The following VILL variants were observed in gnomAD, a reference collection of about 807,000 sequenced individuals.
VILL encodes the protein villin-like protein.
A neutral mutation model predicts 106.3 loss-of-function variants in VILL; 102 were observed. The ratio of observed to expected loss-of-function variants is 0.96; its 90% CI spans 0.82 to 1.13. VILL has a LOEUF of 1.13. VILL is among the 50% of genes most tolerant of loss of function. VILL has a pLI of 0.00. For synonymous variants in VILL, 431 were observed against 440.3 expected (o/e 0.98, Z 0.27); for missense variants, 1,076 against 1,116.6 (o/e 0.96, Z 0.52).
intron 15 of VILL, chr3:38,004,048 G>C (rs1009158221): frequency 3.6e-6 from 2 of 560,458 alleles, no homozygotes; most frequent in Non-Finnish European, 6.0e-6. Flanking sequence ...TCACAGCTGG[G>C]TGGGGCGAGA....
At position 37,997,276 on chromosome 3, in the gene VILL, G is replaced by A. The variant is rs1699720364; in HGVS notation, c.561+89G>A. ...CCATCCTCCGGCCACCCAAAGAGTTGGGCTTGGCTCTGCTACAACCCAAGA... is the reference window on the plus strand; with the variant it reads ...CCATCCTCCGGCCACCCAAAGAGTTAGGCTTGGCTCTGCTACAACCCAAGA... On this transcript the variant is annotated intron_variant, in intron 6 of 19. Coordinates refer to ENST00000383759, the MANE Select transcript of VILL (RefSeq NM_015873.4). This position sits in a 1 kb window ranked among gnomAD's most constrained non-coding sequence, Gnocchi z 4.7. 1.4e-6 allele frequency: 2 copies of A among 1,415,514 alleles called. No homozygotes were observed. Among genetic ancestry groups the A allele is most frequent in the Admixed American group, 3.6e-5 (2 of 55,592 alleles). 87.7% of individuals were successfully genotyped at this position (1,415,514 alleles called of 1,614,324 possible).
intron 3 of VILL, 138 bp downstream of exon 3, chr3:37,994,110 C>A: frequency 2.1e-6 from 3 of 1,416,772 alleles, no homozygotes; most frequent in Middle Eastern, 1.8e-4. Context: ...GGGCGGTTAC[C>A]GTTGAGGCTT....
At chr3:38,000,846 G>A (rs1303474863) in intron 11 of VILL, 3 of 456,544 alleles carry the variant, frequency 6.6e-6, no homozygotes, top group Non-Finnish European at 1.3e-5. Flanking sequence ...CAGAGGTGAG[G>A]TAAGGGAGGC....
At chr3:38,001,978 T>C (rs1172970452) in intron 13 of VILL, 118 bp downstream of exon 13, 1 of 1,500,848 alleles carries the variant, frequency 6.7e-7, no homozygotes, top group Non-Finnish European at 9.0e-7. Context: ...CATCCCCTAG[T>C]TTCCCAGAGC....
At chr3:38,000,687 G>A (rs1332471275) in intron 11 of VILL, among the ~76,000 whole-genome samples, 1 of 152,206 alleles carries the variant, frequency 6.6e-6, no homozygotes, top group Non-Finnish European at 1.5e-5. Flanking sequence ...TGGCTGCCCG[G>A]TAATTGCCAC....
In VILL at chr3:38,004,039, C is replaced by T. The variant is rs556683310; in HGVS notation, c.1806-216C>T. On this transcript the variant is annotated intron_variant, in intron 15 of 19. Transcript: ENST00000383759. ...GGGAAATTCATGGGGCACCTTGCGT[C>T]ACAGCTGGGTGGGGCGAGAGCTTTC... 28 of 525,118 alleles carry T rather than the reference C, an allele frequency of 5.3e-5. 1 individual carries two copies. Among genetic ancestry groups the T allele is most frequent in the African/African-American group, 4.0e-4 (21 of 53,058 alleles). The allele number at this position is 525,118 out of a possible 1,614,324, so 32.5% of individuals were successfully genotyped here. A position where few individuals can be genotyped will look rare whatever the true frequency, so the allele number is the denominator to read the frequency against.
intron 14 of VILL, 170 bp from the exon 15 acceptor site, chr3:38,002,998 C>A: frequency 1.2e-6 from 1 of 847,728 alleles, no homozygotes; most frequent in Non-Finnish European, 1.8e-6. Flanking sequence ...CAACTGGGGA[C>A]ACAGGCCTGT....
At chr3:37,991,854 A>G (rs1699615379) in intron 1 of VILL, among the ~76,000 whole-genome samples, 2 of 151,992 alleles carry the variant, frequency 1.3e-5, no homozygotes, top group South Asian at 4.1e-4. Context: ...TGGAGGTGGC[A>G]CTGTGGGGAG....
chr3:38,005,069 G>T (rs974934061), intron 16 of VILL, among the ~76,000 whole-genome samples: 1 of 152,120 alleles, frequency 6.6e-6, no homozygotes, highest in African/African-American at 2.4e-5. Context: ...GCTATGGTTT[G>T]CTGTCTGGCT....
intron 4 of VILL, among the ~76,000 whole-genome samples, chr3:37,995,036 A>G (rs1439667513): frequency 2.0e-5 from 3 of 152,226 alleles, no homozygotes; most frequent in Admixed American, 1.3e-4. Flanking sequence ...GGCTGCTATG[A>G]ATCTGTTTTT....
In VILL at chr3:37,995,851, A is replaced by G. The variant is rs376863563; in HGVS notation, c.450+4A>G. On this transcript the variant is annotated splice_donor_region_variant and intron_variant, in intron 5 of 19. Transcript: ENST00000383759. Reference sequence around the variant, plus strand: ...GAAGCACGTGTCTGCCACTGAGGTGAGGCTGCCAGGGGAGCCTCTTGACCT... The same window carrying G: ...GAAGCACGTGTCTGCCACTGAGGTGGGGCTGCCAGGGGAGCCTCTTGACCT... The G allele has an allele frequency of 2.5e-6, 4 of 1,612,488 alleles. No individual in the cohort carries two copies. The African/African-American group carries it at 5.3e-5, about 22-fold the overall frequency.
Position 37,995,619 on chromosome 3 carries a change from G to C in VILL, c.342-120G>C, listed in dbSNP as rs1443810779. On this transcript the variant is annotated intron_variant, in intron 4 of 19. Transcript: ENST00000383759. ...CATACATGTGTTCACACAGACTCCA[G>C]TGCATGTATGAAGCAGGCACATACG... is the stretch of plus-strand genomic sequence containing the variant. The C allele has an allele frequency of 5.3e-6, 4 of 755,726 alleles. No individual in the cohort carries two copies. In the African/African-American group the frequency reaches 6.8e-5, roughly 13 times the overall value. The allele number at this position is 755,726 out of a possible 1,614,324, so 46.8% of individuals were successfully genotyped here.
In VILL at chr3:38,006,237, C is replaced by T; in HGVS notation, c.2190C>T (p.Ile730=). 1 of 1,614,236 alleles carries T rather than the reference C, an allele frequency of 6.2e-7. No homozygotes were observed. Among genetic ancestry groups the T allele is most frequent in the East Asian group, 2.2e-5 (1 of 44,884 alleles). The part of the protein sequence containing the change: ...VDGSPAAAST[I]SEITAEVNNL... ...GCAGCCCGGCAGCAGCATCAACCATCTCTGAGATAACAGCAGTGAGTCCTG... is the reference window on the plus strand; with the variant it reads ...GCAGCCCGGCAGCAGCATCAACCATTTCTGAGATAACAGCAGTGAGTCCTG... Residue 730 remains isoleucine, a synonymous_variant, in exon 18 of 20, where the codon ATC becomes ATT. Transcript: ENST00000383759.
intron 18 of VILL, 42 bp downstream of exon 18, chr3:38,006,294 C>T: frequency 2.5e-6 from 4 of 1,613,688 alleles, no homozygotes; most frequent in Middle Eastern, 1.7e-4. Flanking sequence ...GTGGCCTGGG[C>T]TCCGACAGCA....
In VILL at chr3:37,994,395, G is replaced by C; in HGVS notation, c.270G>C (p.Gln90His). The C allele has an allele frequency of 6.2e-7, 1 of 1,612,668 alleles. No individual in the cohort carries two copies. Among genetic ancestry groups the C allele is most frequent in the East Asian group, 2.2e-5 (1 of 44,860 alleles). ...GCCTACAGGACGAGCTGGGGGGCCA[G>C]ACCGTGCTGCACCGCGAGGCGCAGG... ...QQRLQDELGG[Q>H]TVLHREAQGH... Residue 90 changes from glutamine to histidine, a missense_variant, in exon 4 of 20, where the codon CAG becomes CAC. Gln to His is a conservative substitution (Grantham distance 24, BLOSUM62 0). Transcript: ENST00000383759.
Position 37,998,894 on chromosome 3 carries a change from C to A in VILL, c.943-18C>A, listed in dbSNP as rs774874979. 1 of 1,583,726 alleles carries A rather than the reference C, an allele frequency of 6.3e-7. No homozygotes were observed. Among genetic ancestry groups the A allele is most frequent in the Non-Finnish European group, 8.6e-7 (1 of 1,158,178 alleles). ...TGGACTCTCAGGGTCGCAGGACTGA[C>A]GATGCCTTCCGCCCCAGGGCTTCAT... On this transcript the variant is annotated intron_variant, in intron 9 of 19. Coordinates refer to ENST00000383759, the MANE Select transcript of VILL (RefSeq NM_015873.4). This position sits in a 1 kb window ranked among gnomAD's most constrained non-coding sequence, Gnocchi z 4.1.
Position 37,997,186 on chromosome 3 carries a change from G to T in VILL, c.560G>T (p.Arg187Leu). 6 of 1,614,020 alleles carry T rather than the reference G, an allele frequency of 3.7e-6. No homozygotes were observed. Among genetic ancestry groups the T allele is most frequent in the Non-Finnish European group, 5.1e-6 (6 of 1,179,938 alleles). ...AAGACCAGCATTTCTGAGAAGGCTCGGGTCAGTGTCTGCCCAAGGAACTGG... is the reference window on the plus strand; with the variant it reads ...AAGACCAGCATTTCTGAGAAGGCTCTGGTCAGTGTCTGCCCAAGGAACTGG... The part of the protein sequence containing the change: ...GPKTSISEKA[R>L]GLALTYSLRD... Residue 187 changes from arginine (R) to leucine (L), a missense_variant and splice_region_variant, in exon 6 of 20, where the codon CGG becomes CTG. Arg to Leu is a moderately radical substitution (Grantham distance 102). Coordinates refer to ENST00000383759, the MANE Select transcript of VILL (RefSeq NM_015873.4). The surrounding 1 kb of genome is among the most constrained non-coding windows in gnomAD (Gnocchi z 4.7).
In VILL at chr3:37,993,887, T is replaced by G. The variant is rs1266775690; in HGVS notation, c.61-11T>G. 3.7e-6 allele frequency: 6 copies of G among 1,614,096 alleles called. No homozygotes were observed. The highest frequency in any genetic ancestry group is 5.1e-6 in the Non-Finnish European group (6 of 1,179,978). On this transcript the variant is annotated splice_polypyrimidine_tract_variant and intron_variant, in intron 2 of 19. Coordinates refer to ENST00000383759, the MANE Select transcript of VILL (RefSeq NM_015873.4). ...CCTCCTGAGTTGTTACAGGGAACTC[T>G]CCTCTCCCAGAACCGGAAGATGGTG...
In VILL at chr3:38,006,085, C is replaced by T. The variant is rs78728128; in HGVS notation, c.2134-96C>T. 8,879 of 1,598,524 alleles carry T rather than the reference C, an allele frequency of 5.6e-3. 77 individuals are homozygous for T. Among genetic ancestry groups the T allele is most frequent in the Non-Finnish European group, 5.6e-3 (6,574 of 1,168,476 alleles). ...CCTGGCTGGGGATTGCCAGTGTGTG[C>T]GAGAGACCTGGTCTTGTCCTCAGGC... On this transcript the variant is annotated intron_variant, in intron 17 of 19. Transcript: ENST00000383759.
Sources: allele counts gnomAD v4.1 joint callset (sites outside exome capture counted in the v4.1 genomes callset), GRCh38; gene constraint gnomAD v4.1.1; non-coding constraint Gnocchi (gnomAD v3.1); transcripts MANE v1.5; gene names NCBI Gene and HGNC (gene_info 2026-07-23, HGNC 2026-07-21).